RP1: variants seen among roughly 807,000 people sequenced by gnomAD.
The protein encoded by RP1 is oxygen-regulated protein 1.
A neutral mutation model predicts 14.8 loss-of-function variants in RP1; 16 were observed. The observed-to-expected ratio is 1.08, with a 90% confidence interval of 0.73 to 1.65. RP1 has a LOEUF of 1.65. Among genes scored for constraint, RP1 ranks in the 40% most tolerant of loss-of-function variants. The probability of loss-of-function intolerance (pLI) is 0.00; values close to 1 mark genes in which losing one functional copy is unlikely to be tolerated. For synonymous variants in RP1, 876 were observed against 883.6 expected (o/e 0.99, Z 0.15); for missense variants, 2,631 against 2,535.0 (o/e 1.04, Z -0.81).
chr8:54,622,237 A>C lies in RP1; in HGVS notation c.736A>C (p.Ile246Leu). The change falls in exon 3 of 4, where the codon ATC becomes CTC. Residue 246 changes from isoleucine to leucine, a missense_variant. Transcript: ENST00000220676. ...KYLLPARLPGISQRVYPKGNA... is the reference protein window; with the variant it reads ...KYLLPARLPGLSQRVYPKGNA... ...CTTGCTTCCTGCTAGATTACCAGGG[A>C]TCTCTCAGCGTGTGTACCCCAAGGG... 1 of 1,614,184 alleles carries C rather than the reference A, an allele frequency of 6.2e-7. No homozygotes were observed. The highest frequency in any genetic ancestry group is 8.5e-7 in the Non-Finnish European group (1 of 1,180,040).
At position 54,625,765 on chromosome 8, in the gene RP1, A is replaced by G. The variant is rs1806026175; in HGVS notation, c.1883A>G (p.Glu628Gly). 6.8e-6 allele frequency: 11 copies of G among 1,613,740 alleles called. No individual in the cohort carries two copies. In the East Asian group the frequency reaches 2.5e-4, roughly 36 times the overall value. ...NNSGTDKNIS[E>G]APASEASSTV... ...TCTGGAACTGACAAAAATATTTCTG[A>G]GGCTCCAGCTTCAGAAGCATCCTCT... The change falls in exon 4 of 4, where the codon GAG (glutamate) becomes GGG (glycine). Residue 628 changes from glutamate to glycine, a missense_variant. By Grantham distance (98) the Glu-to-Gly change is moderately conservative (BLOSUM62 -2). Transcript: ENST00000220676.
At chr8:54,712,155 C>T (rs1445021222) in intron 15 of RP1, among the ~76,000 whole-genome samples, 1 of 152,060 alleles carries the variant, frequency 6.6e-6, no homozygotes, top group Non-Finnish European at 1.5e-5. Context: ...GTTTTGTGGG[C>T]TGGTTCCTGG....
At chr8:54,600,031 C>T (rs75690017) in intron 1 of RP1, among the ~76,000 whole-genome samples, 7,830 of 152,106 alleles carry the variant, frequency 0.051, 654 homozygotes, top group African/African-American at 0.17. Context: ...AGGGATGGGA[C>T]TTCAGGCTTT....
chr8:54,747,017 C>T (rs942076252), intron 19 of RP1, among the ~76,000 whole-genome samples: 7 of 152,156 alleles, frequency 4.6e-5, no homozygotes, highest in African/African-American at 9.7e-5. Flanking sequence ...CTCCAAAATC[C>T]AATCCCTCAG....
At chr8:54,812,490 G>T (rs1345368762) in intron 24 of RP1, among the ~76,000 whole-genome samples, 2 of 152,120 alleles carry the variant, frequency 1.3e-5, no homozygotes, top group Admixed American at 6.5e-5. Context: ...CAGTGTTTTG[G>T]TTCCTATGAT....
chr8:54,780,582 GTC>G (rs1810162908), intron 23 of RP1, among the ~76,000 whole-genome samples: 1 of 152,176 alleles, frequency 6.6e-6, no homozygotes, highest in Non-Finnish European at 1.5e-5. Flanking sequence ...GGAAGGTAGT[GTC>G]TGTACTGAAC....
chr8:54,618,149 A>G (rs1180656118), intron 1 of RP1, among the ~76,000 whole-genome samples: 1 of 152,154 alleles, frequency 6.6e-6, no homozygotes, highest in African/African-American at 2.4e-5. Context: ...CACGTGTTGG[A>G]TGCACCTTCT....
chr8:54,854,356 T>G (rs138936225), intron 26 of RP1, among the ~76,000 whole-genome samples: 51 of 152,324 alleles, frequency 3.3e-4, no homozygotes, highest in African/African-American at 1.1e-3. Context: ...CACATCCTAA[T>G]GTGCAGCATC....
At chr8:54,700,019 A>G (rs1248736197) in intron 13 of RP1, among the ~76,000 whole-genome samples, 19 of 152,190 alleles carry the variant, frequency 1.2e-4, no homozygotes. Flanking sequence ...TATGTATTAC[A>G]ATATTTCATT....
intron 12 of RP1, among the ~76,000 whole-genome samples, chr8:54,694,413 G>C (rs200732857): frequency 1.3e-5 from 2 of 152,156 alleles, no homozygotes; most frequent in Admixed American, 6.6e-5. Flanking sequence ...CCTCCTTGTA[G>C]CTCTGGTAGA....
At chr8:54,580,890 T>TA (rs1296444959) in intron 1 of RP1, among the ~76,000 whole-genome samples, 2 of 152,164 alleles carry the variant, frequency 1.3e-5, no homozygotes, top group African/African-American at 4.8e-5. Context: ...GTGCTGGGAG[T>TA]ACAGGCATGA....
chr8:54,764,418 C>T (rs867307262), intron 22 of RP1, among the ~76,000 whole-genome samples: 1 of 152,240 alleles, frequency 6.6e-6, no homozygotes. Flanking sequence ...GGTATATTTA[C>T]TGGTGAGTTG....
chr8:54,862,247 A>G (rs1812357853), intron 27 of RP1, among the ~76,000 whole-genome samples: 1 of 152,206 alleles, frequency 6.6e-6, no homozygotes, highest in Admixed American at 6.5e-5. Context: ...ACTAGTTTCA[A>G]AAGTGATTCA....
At chr8:54,871,059 A>C (rs1167305691) in exon 29 of RP1, 1 of 152,128 alleles carries the variant, frequency 6.6e-6, no homozygotes, top group Non-Finnish European at 1.5e-5. Flanking sequence ...TAGTACCTGT[A>C]CTAGTATATG....
intron 7 of RP1, among the ~76,000 whole-genome samples, chr8:54,672,432 T>C (rs1039898751): frequency 6.6e-6 from 1 of 152,212 alleles, no homozygotes; most frequent in African/African-American, 2.4e-5. Context: ...TCTGCCCTTT[T>C]TGGATGAAGT....
At chr8:54,689,045 T>A (rs1741382311) in intron 12 of RP1, among the ~76,000 whole-genome samples, 1 of 152,194 alleles carries the variant, frequency 6.6e-6, no homozygotes, top group African/African-American at 2.4e-5. Flanking sequence ...GTAAGTTGGA[T>A]TCCTAGGTGT....
chr8:54,796,124 G>A (rs1810571401), intron 24 of RP1, among the ~76,000 whole-genome samples: 1 of 152,144 alleles, frequency 6.6e-6, no homozygotes, highest in Admixed American at 6.6e-5. Flanking sequence ...GTGAGTATTG[G>A]AACCAGATAT....
Position 54,870,311 on chromosome 8 carries a change from A to G in RP1, c.*369A>G, listed in dbSNP as rs577268594. The G allele has an allele frequency of 2.3e-5, 4 of 170,284 alleles. No homozygotes were observed. In the East Asian group the frequency reaches 4.6e-4, roughly 20 times the overall value. 10.5% of individuals were successfully genotyped at this position (170,284 alleles called of 1,614,324 possible). The stretch of plus-strand genomic sequence containing the variant: ...CTGCTAAGGTTACTGAAATGTCTAA[A>G]TAAGTATTCTTTGTAGAAAATAACT... On this transcript the variant is annotated 3_prime_UTR_variant, in exon 29 of 29. Transcript: ENST00000637698.
intron 15 of RP1, among the ~76,000 whole-genome samples, chr8:54,708,265 C>T (rs1315175362): frequency 1.3e-5 from 2 of 152,128 alleles, no homozygotes; most frequent in Non-Finnish European, 2.9e-5. Flanking sequence ...AAATGTTTAT[C>T]TTCCCCGGGT....
Sources: allele counts gnomAD v4.1 joint callset (sites outside exome capture counted in the v4.1 genomes callset), GRCh38; gene constraint gnomAD v4.1.1; transcripts MANE v1.5; gene names NCBI Gene and HGNC (gene_info 2026-07-23, HGNC 2026-07-21).